RAB7A: variants seen among roughly 807,000 people sequenced by gnomAD.
RAB7A encodes the protein RAB7A, member RAS oncogene family, also known as ras-related protein Rab-7a.
RAB7A carries 2 observed loss-of-function variants against 24.5 expected under a neutral mutation model. The observed-to-expected ratio is 0.08, with a 90% CI of 0.03 to 0.26. The LOEUF is 0.26. RAB7A is among the 10% of genes least tolerant of loss of function. The pLI, the probability that RAB7A is intolerant of heterozygous loss-of-function variation, is 1.00. For synonymous variants in RAB7A, 100 were observed against 95.9 expected (o/e 1.04, Z -0.25); for missense variants, 118 against 255.7 (o/e 0.46, Z 3.67).
rs1007804778 is a variant in RAB7A, at chr3:128,813,776, T to C, written c.*354T>C. On this transcript the variant is annotated 3_prime_UTR_variant, in exon 6 of 6. Coordinates refer to ENST00000265062, the MANE Select transcript of RAB7A (RefSeq NM_004637.6). ...TTGGAAGCTTATTCTTTTTGTTCACTGGAGAGAGAGAGAACTGTTTACAGT... is the reference window on the plus strand; with the variant it reads ...TTGGAAGCTTATTCTTTTTGTTCACCGGAGAGAGAGAGAACTGTTTACAGT... 1 of 359,338 alleles carries C rather than the reference T, an allele frequency of 2.8e-6. No homozygotes were observed. The highest frequency in any genetic ancestry group is 2.3e-5 in the South Asian group (1 of 43,142). 22.3% of individuals were successfully genotyped at this position (359,338 alleles called of 1,614,324 possible).
chr3:128,752,894 A>G (rs1424879866), intron 1 of RAB7A, among the ~76,000 whole-genome samples: 1 of 152,126 alleles, frequency 6.6e-6, no homozygotes, highest in Admixed American at 6.6e-5. Context: ...CATAATGTGT[A>G]CACTCAAAAT....
At chr3:128,780,738 A>G (rs1933200808) in intron 1 of RAB7A, among the ~76,000 whole-genome samples, 1 of 152,222 alleles carries the variant, frequency 6.6e-6, no homozygotes, top group African/African-American at 2.4e-5. Context: ...ATATTTTAGC[A>G]TGAAGTGGAT....
chr3:128,737,853 T>A (rs1019363147), intron 1 of RAB7A, among the ~76,000 whole-genome samples: 1 of 129,382 alleles, frequency 7.7e-6, no homozygotes, highest in African/African-American at 3.2e-5. Flanking sequence ...TTTTTTTTTT[T>A]TTTTAAGAGA....
chr3:128,801,580 A>G (rs1262264754), intron 3 of RAB7A, among the ~76,000 whole-genome samples: 1 of 152,224 alleles, frequency 6.6e-6, no homozygotes, highest in African/African-American at 2.4e-5. Flanking sequence ...AGCACAATCA[A>G]TGAAATTTGG....
intron 1 of RAB7A, among the ~76,000 whole-genome samples, chr3:128,756,665 A>T (rs2070731959): frequency 6.6e-6 from 1 of 152,154 alleles, no homozygotes; most frequent in African/African-American, 2.4e-5. Context: ...CCTAACATGG[A>T]TACAGAAAAT....
At chr3:128,782,067 C>T (rs1286042950) in intron 1 of RAB7A, among the ~76,000 whole-genome samples, 1 of 152,204 alleles carries the variant, frequency 6.6e-6, no homozygotes, top group Admixed American at 6.5e-5. Context: ...TTTCCATTGT[C>T]TTGTTTTGGC....
At chr3:128,738,889 G>A (rs2070520934) in intron 1 of RAB7A, among the ~76,000 whole-genome samples, 1 of 152,186 alleles carries the variant, frequency 6.6e-6, no homozygotes, top group Non-Finnish European at 1.5e-5. Context: ...AGAAGCTGTA[G>A]GATTGTAGAA....
At position 128,806,603 on chromosome 3, in the gene RAB7A, G is replaced by A. The variant is rs765846744; in HGVS notation, c.399+13G>A. On this transcript the variant is annotated intron_variant, in intron 4 of 5. Coordinates refer to ENST00000265062, the MANE Select transcript of RAB7A (RefSeq NM_004637.6). ...CGAAAACAGACAAGTAAGTACCAAC[G>A]ATGATAGATATTGTCACAGACACCT... 1.1e-5 allele frequency: 17 copies of A among 1,606,080 alleles called. No individual in the cohort carries two copies. Among genetic ancestry groups the A allele is most frequent in the Non-Finnish European group, 1.4e-5 (17 of 1,172,776 alleles).
intron 3 of RAB7A, 134 bp downstream of exon 3, chr3:128,798,203 C>A: frequency 8.3e-7 from 1 of 1,206,152 alleles, no homozygotes; most frequent in Non-Finnish European, 1.2e-6. Flanking sequence ...GGCTGATACT[C>A]AGTTAAATTT....
intron 1 of RAB7A, among the ~76,000 whole-genome samples, chr3:128,742,800 A>G (rs1198989692): frequency 3.9e-5 from 6 of 152,322 alleles, no homozygotes; most frequent in South Asian, 4.1e-4. Context: ...TGTATTTACA[A>G]TCCTCTAGCT....
chr3:128,740,897 C>CAAA (rs59043831), intron 1 of RAB7A, among the ~76,000 whole-genome samples: 2 of 79,568 alleles, frequency 2.5e-5, no homozygotes, highest in African/African-American at 3.8e-5. Flanking sequence ...GGAGATGTCT[C>CAAA]AAAAAAAAAA....
At chr3:128,781,032 A>G (rs1933205863) in intron 1 of RAB7A, among the ~76,000 whole-genome samples, 1 of 152,210 alleles carries the variant, frequency 6.6e-6, no homozygotes, top group Non-Finnish European at 1.5e-5. Context: ...CTGTTTGTTA[A>G]CATATGATGC....
chr3:128,809,936 C>CTGTTTTTTTTTTTTTTTTTTTT (rs1933887025), intron 5 of RAB7A, among the ~76,000 whole-genome samples: 1 of 52,216 alleles, frequency 1.9e-5, no homozygotes, highest in Non-Finnish European at 3.4e-5. Flanking sequence ...TTGCCACAGT[C>CTGTTTTTTTTTTTTTTTTTTTT]TTTTTTTTTT....
rs1292184714 is a variant in RAB7A, at chr3:128,746,259, TTTTTAGCTTTTAAATTTTTCTTTGA to T, written c.-9+19905_-9+19929del. Among the ~76,000 whole-genome samples, 16 of 152,180 alleles carry T rather than the reference TTTTTAGCTTTTAAATTTTTCTTTGA, an allele frequency of 1.1e-4. 1 individual carries two copies. Among genetic ancestry groups the T allele is most frequent in the Admixed American group, 3.3e-4 (5 of 15,288 alleles). The stretch of plus-strand genomic sequence containing the variant: ...CTACTTCTGTGGGTTCAACTGTTTA[TTTTTAGCTTTTAAATTTTTCTTTGA>T]TTTTTAGAGACAGAGTCTTGCTGTG... On this transcript the variant is annotated intron_variant, in intron 1 of 5. Coordinates refer to ENST00000265062, the MANE Select transcript of RAB7A (RefSeq NM_004637.6).
intron 5 of RAB7A, among the ~76,000 whole-genome samples, chr3:128,812,864 C>G (rs551455071): frequency 1.9e-4 from 29 of 152,356 alleles, no homozygotes; most frequent in African/African-American, 7.0e-4. Context: ...GCAGCTCACA[C>G]TCAGCTCCAG....
intron 1 of RAB7A, among the ~76,000 whole-genome samples, chr3:128,755,133 A>AT (rs2070718710): frequency 2.6e-5 from 4 of 152,182 alleles, no homozygotes; most frequent in Admixed American, 2.6e-4. Context: ...GATTCAAGAG[A>AT]TTTTTAAAAA....
chr3:128,770,068 T>C (rs2070871192), intron 1 of RAB7A, among the ~76,000 whole-genome samples: 1 of 151,790 alleles, frequency 6.6e-6, no homozygotes, highest in South Asian at 2.1e-4. Context: ...AGTGGCGCGA[T>C]CTCGGCTTAC....
chr3:128,728,801 C>T (rs1386181119), intron 1 of RAB7A, among the ~76,000 whole-genome samples: 2 of 152,172 alleles, frequency 1.3e-5, no homozygotes, highest in African/African-American at 4.8e-5. Context: ...AAGAGGTAGT[C>T]CATGTCACTA....
chr3:128,813,056 C>T (rs978457704), intron 5 of RAB7A, among the ~76,000 whole-genome samples: 1 of 152,264 alleles, frequency 6.6e-6, no homozygotes, highest in Non-Finnish European at 1.5e-5. Flanking sequence ...GTCCTGATTG[C>T]TCAGTGCAGA....
Sources: allele counts gnomAD v4.1 joint callset (sites outside exome capture counted in the v4.1 genomes callset), GRCh38; gene constraint gnomAD v4.1.1; transcripts MANE v1.5; gene names NCBI Gene and HGNC (gene_info 2026-07-23, HGNC 2026-07-21).